Variants in TULP4 observed in about 807,000 individuals in gnomAD.
TULP4 encodes tubby-related protein 4.
In TULP4, 16 loss-of-function variants were observed where a neutral mutation model predicts 129.0. That is an observed-to-expected ratio of 0.12 (90% CI 0.08 to 0.19). TULP4 has a LOEUF of 0.19. Ranked by LOEUF, TULP4 falls within the 10% of genes least tolerant of loss-of-function variation. TULP4 has a pLI of 1.00. For missense variants in TULP4, 1,842 were observed against 2,059.1 expected (o/e 0.89, Z 2.04); for synonymous variants, 998 against 854.0 (o/e 1.17, Z -2.94).
chr6:158,258,560 C>T (rs984611103), intron 1 of TULP4, among the ~76,000 whole-genome samples: 5 of 152,126 alleles, frequency 3.3e-5, no homozygotes, highest in African/African-American at 1.2e-4. Flanking sequence ...GAAGGTCCGT[C>T]CTTGCTGCAG....
At chr6:158,240,113 C>T (rs1583665655) in intron 1 of TULP4, among the ~76,000 whole-genome samples, 1 of 56,574 alleles carries the variant, frequency 1.8e-5, no homozygotes, top group Non-Finnish European at 4.0e-5. Context: ...CCAGTAGGGG[C>T]GGCCGGGCAG....
intron 1 of TULP4, among the ~76,000 whole-genome samples, chr6:158,250,966 A>ACTAGATTGTTAATGACTAGCC (rs1778129209): frequency 1.3e-5 from 2 of 152,048 alleles, no homozygotes; most frequent in African/African-American, 4.8e-5. Flanking sequence ...CAAACCTTTC[A>ACTAGATTGTTAATGACTAGCC]CTAGATTGTT....
In TULP4 at chr6:158,502,033, T is replaced by A. The variant is rs747618579; in HGVS notation, c.2370T>A (p.His790Gln). Reference sequence around the variant, plus strand: ...CCATGCAGCTGTCCACGGTGGGCCATGGAGACCGAGACCACGAACACCTGC... The same window carrying A: ...CCATGCAGCTGTCCACGGTGGGCCAAGGAGACCGAGACCACGAACACCTGC... ...QGPMQLSTVGHGDRDHEHLQK... is the reference protein window; with the variant it reads ...QGPMQLSTVGQGDRDHEHLQK... The change falls in exon 13 of 14, where the codon CAT becomes CAA. Residue 790 changes from histidine to glutamine, a missense_variant. Coordinates refer to ENST00000367097, the MANE Select transcript of TULP4 (RefSeq NM_020245.5). 1.2e-6 allele frequency: 2 copies of A among 1,612,974 alleles called. No homozygotes were observed. Among genetic ancestry groups the A allele is most frequent in the Non-Finnish European group, 1.7e-6 (2 of 1,179,774 alleles).
intron 3 of TULP4, among the ~76,000 whole-genome samples, chr6:158,445,966 A>T (rs773043246): frequency 6.6e-6 from 1 of 152,330 alleles, no homozygotes; most frequent in South Asian, 2.1e-4. Context: ...CCTGGGGAGC[A>T]CTAGCACGGA....
At chr6:158,460,732 C>G (rs602698) in intron 5 of TULP4, among the ~76,000 whole-genome samples, 63,458 of 151,990 alleles carry the variant, frequency 0.42, 14,546 homozygotes, top group African/African-American at 0.62. Flanking sequence ...TTGTATGAAC[C>G]TTATCTGCCC....
chr6:158,435,618 A>G (rs1388909432), intron 3 of TULP4, among the ~76,000 whole-genome samples: 1 of 151,488 alleles, frequency 6.6e-6, no homozygotes, highest in Admixed American at 6.6e-5. Context: ...CTCCATTGCC[A>G]CAGCTGCATC....
chr6:158,488,595 C>T (rs1434701437), intron 8 of TULP4, among the ~76,000 whole-genome samples: 1 of 152,196 alleles, frequency 6.6e-6, no homozygotes, highest in African/African-American at 2.4e-5. Flanking sequence ...GATTAAGAAA[C>T]TCATCCTTTA....
At position 158,443,307 on chromosome 6, in the gene TULP4, G is replaced by A. The variant is rs954106159; in HGVS notation, c.544-5689G>A. On this transcript the variant is annotated intron_variant, in intron 3 of 13. Transcript: ENST00000367097. The stretch of plus-strand genomic sequence containing the variant: ...AATTTTTGCATTTTTAGTAGAGATG[G>A]GGTTTCACCATGTTGACCGGGCTGG... Among the ~76,000 whole-genome samples the A allele has an allele frequency of 5.3e-5, 8 of 152,090 alleles. 1 individual carries two copies. The highest frequency in any genetic ancestry group is 1.4e-4 in the African/African-American group (6 of 41,526).
chr6:158,443,767 T>TAA (rs202172373), intron 3 of TULP4, among the ~76,000 whole-genome samples: 1 of 150,226 alleles, frequency 6.7e-6, no homozygotes. Flanking sequence ...ATTTCATCTT[T>TAA]TAAAAAAAAA....
At chr6:158,408,169 C>A (rs1778008775) in intron 1 of TULP4, among the ~76,000 whole-genome samples, 1 of 152,124 alleles carries the variant, frequency 6.6e-6, no homozygotes, top group Non-Finnish European at 1.5e-5. Flanking sequence ...ACCGTATGGG[C>A]CGGGACTGTG....
chr6:158,387,191 A>G (rs946950594), intron 1 of TULP4, among the ~76,000 whole-genome samples: 1 of 152,074 alleles, frequency 6.6e-6, no homozygotes, highest in Non-Finnish European at 1.5e-5. Context: ...TGTCAATTAA[A>G]GCTCTCAATA....
intron 1 of TULP4, among the ~76,000 whole-genome samples, chr6:158,291,190 A>G (rs542611191): frequency 1.3e-5 from 2 of 152,298 alleles, no homozygotes; most frequent in Non-Finnish European, 2.9e-5. Context: ...TCCTTCTGAG[A>G]CATTTTCCTT....
At position 158,444,458 on chromosome 6, in the gene TULP4, A is replaced by G. The variant is rs533015727; in HGVS notation, c.544-4538A>G. ...TCAGTCATAAAAGCAAATAAGTGGG[A>G]AAAAGTCACCTCCTTCAGGAACTAG... On this transcript the variant is annotated intron_variant, in intron 3 of 13. Coordinates refer to ENST00000367097, the MANE Select transcript of TULP4 (RefSeq NM_020245.5). Among the ~76,000 whole-genome samples the G allele has an allele frequency of 5.3e-5, 8 of 152,124 alleles. No homozygotes were observed. In the South Asian group the frequency reaches 1.7e-3, roughly 32 times the overall value.
rs775084559 is a variant in TULP4 at position 158,501,795 on chromosome 6, A to G, written c.2132A>G (p.Gln711Arg). 80 of 1,614,070 alleles carry G rather than the reference A, an allele frequency of 5.0e-5. No homozygotes were observed. Among genetic ancestry groups the G allele is most frequent in the Non-Finnish European group, 6.4e-5 (75 of 1,180,048 alleles). The change falls in exon 13 of 14, where the codon CAG becomes CGG. Residue 711 changes from glutamine to arginine, a missense_variant. This residue lies in a region of TULP4 where 99 missense variants were observed against 165.1 expected (regional missense o/e 0.60). Transcript: ENST00000367097. ...MSPTQSIGLV[Q>R]SLLANQNVQL... is the part of the protein sequence containing the mutation. ...CCCACGCAGAGCATAGGGCTGGTGC[A>G]GTCCCTACTGGCCAATCAGAATGTG...
At chr6:158,431,699 G>T (rs1562563696) in intron 3 of TULP4, among the ~76,000 whole-genome samples, 1 of 152,082 alleles carries the variant, frequency 6.6e-6, no homozygotes, top group Admixed American at 6.5e-5. Flanking sequence ...AGAGTTCCAG[G>T]GTATTGACAC....
intron 8 of TULP4, chr6:158,481,687 A>T: frequency 4.8e-6 from 1 of 210,320 alleles, no homozygotes; most frequent in Admixed American, 5.0e-5. Flanking sequence ...GGATGATAAA[A>T]TTGAAATCAA....
chr6:158,257,539 G>A (rs747392405), intron 1 of TULP4, among the ~76,000 whole-genome samples: 11 of 152,198 alleles, frequency 7.2e-5, no homozygotes, highest in Non-Finnish European at 1.3e-4. Context: ...TGCTTTCATG[G>A]ACTTTAAAAA....
intron 1 of TULP4, among the ~76,000 whole-genome samples, chr6:158,240,789 CG>C (rs1451652623): frequency 6.9e-6 from 1 of 144,646 alleles, no homozygotes; most frequent in Non-Finnish European, 1.5e-5. Flanking sequence ...GCTGGCCAGG[CG>C]GGGGGCTGAA....
Position 158,300,266 on chromosome 6 carries a change from C to CAGGT in TULP4, n.117-11783_117-11780dup, listed in dbSNP as rs1367862233. 2.6e-5 allele frequency among the ~76,000 whole-genome samples: 4 copies of CAGGT among 152,184 alleles called. No individual in the cohort carries two copies. In the East Asian group the frequency reaches 7.7e-4, roughly 29 times the overall value. ...CCACGTTGTAATTGTTCCAGCTTCC[C>CAGGT]AGGTATTGGTCTGGGAGTTTTTCCC... On this transcript the variant is annotated intron_variant and non_coding_transcript_variant, in intron 1 of 1. Coordinates refer to the TULP4 transcript ENST00000432358.
Sources: allele counts gnomAD v4.1 joint callset (sites outside exome capture counted in the v4.1 genomes callset), GRCh38; gene constraint gnomAD v4.1.1; regional missense constraint gnomAD v4.1.1; transcripts MANE v1.5; gene names NCBI Gene and HGNC (gene_info 2026-07-23, HGNC 2026-07-21).